CETN3: variants seen among roughly 807,000 people sequenced by gnomAD.
The protein encoded by CETN3 is centrin 3, also known as centrin-3.
In CETN3, 17 loss-of-function variants were observed where a neutral mutation model predicts 20.1. That is an observed-to-expected ratio of 0.85 (90% CI 0.58 to 1.27). The LOEUF (loss-of-function observed/expected upper bound fraction) is 1.27. CETN3 is among the 50% of genes most tolerant of loss of function. The pLI, the probability that CETN3 is intolerant of heterozygous loss-of-function variation, is 0.00. For synonymous variants in CETN3, 52 were observed against 59.7 expected, an observed-to-expected ratio of 0.87 and a Z score of 0.59; for missense variants, 169 against 191.2, an observed-to-expected ratio of 0.88 and a Z score of 0.69.
At chr5:90,406,380 G>C (rs1452826581) in intron 2 of CETN3, among the ~76,000 whole-genome samples, 4 of 151,802 alleles carry the variant, frequency 2.6e-5, no homozygotes, top group Non-Finnish European at 5.9e-5. Context: ...GGGTATTTGG[G>C]AAGGATGACT....
At chr5:90,408,800 C>CAAAA (rs74585512) in intron 1 of CETN3, among the ~76,000 whole-genome samples, 56 of 96,252 alleles carry the variant, frequency 5.8e-4, no homozygotes, top group African/African-American at 2.1e-3. Flanking sequence ...CTGAAAGCTC[C>CAAAA]AAAAAAAAAA....
intron 2 of CETN3, among the ~76,000 whole-genome samples, chr5:90,406,729 C>T (rs1039125990): frequency 6.7e-6 from 1 of 148,554 alleles, no homozygotes; most frequent in Non-Finnish European, 1.5e-5. Context: ...ACAAGGTGAA[C>T]TAGTAAGAAA....
chr5:90,393,217 T>TA lies in CETN3; in HGVS notation c.*846dup, dbSNP rs1749058959. 6.6e-6 allele frequency: 1 copy of TA among 152,190 alleles called. No homozygotes were observed. The highest frequency in any genetic ancestry group is 1.5e-5 in the Non-Finnish European group (1 of 68,032). The allele number at this position is 152,190 out of a possible 1,614,324, so 9.4% of individuals were successfully genotyped here. ...ACTGTTCCTTCATATAGGTAAAACA[T>TA]AGACTTAAATTATTTCTGTGGCTTA... On this transcript the variant is annotated 3_prime_UTR_variant, in exon 5 of 5. Coordinates refer to ENST00000283122, the MANE Select transcript of CETN3 (RefSeq NM_004365.4).
In CETN3 at chr5:90,393,186, T is replaced by A. The variant is rs1202792902; in HGVS notation, c.*878A>T. On this transcript the variant is annotated 3_prime_UTR_variant, in exon 5 of 5. Transcript: ENST00000283122. ...TGTGTCTCTACTATTTCCTGGTGAA[T>A]CACAGACTGTTCCTTCATATAGGTA... is the stretch of plus-strand genomic sequence containing the variant. 4 of 152,200 alleles carry A rather than the reference T, an allele frequency of 2.6e-5. No individual in the cohort carries two copies. Among genetic ancestry groups the A allele is most frequent in the African/African-American group, 9.6e-5 (4 of 41,456 alleles). 9.4% of individuals were successfully genotyped at this position (152,200 alleles called of 1,614,324 possible).
chr5:90,397,555 G>A (rs1397067700), intron 4 of CETN3, among the ~76,000 whole-genome samples: 1 of 152,094 alleles, frequency 6.6e-6, no homozygotes, highest in African/African-American at 2.4e-5. Flanking sequence ...TGGCTTTGAA[G>A]GGGAAAAGCA....
chr5:90,399,241 C>T lies in CETN3; in HGVS notation c.460+117G>A, dbSNP rs1749215539. 9 of 780,362 alleles carry T rather than the reference C, an allele frequency of 1.2e-5. No homozygotes were observed. In the Admixed American group the frequency reaches 2.0e-4, roughly 17 times the overall value. The allele number at this position is 780,362 out of a possible 1,614,324, so 48.3% of individuals were successfully genotyped here. A position where few individuals can be genotyped will look rare whatever the true frequency, so the allele number is the denominator to read the frequency against. On this transcript the variant is annotated intron_variant, in intron 4 of 4. Transcript: ENST00000283122. Reference sequence around the variant, plus strand: ...ATGTGAATTATTTAGACAGAAGGTCCATTACAAGAAGCAGTTAAGTTTACA... The same window carrying T: ...ATGTGAATTATTTAGACAGAAGGTCTATTACAAGAAGCAGTTAAGTTTACA...
intron 3 of CETN3, among the ~76,000 whole-genome samples, chr5:90,403,511 T>C (rs555670730): frequency 6.6e-6 from 1 of 152,136 alleles, no homozygotes; most frequent in East Asian, 1.9e-4. Flanking sequence ...GTTAATAACA[T>C]AGAACAGATG....
In CETN3 at chr5:90,397,650, CAT is replaced by C. The variant is rs939113878; in HGVS notation, c.460+1706_460+1707del. On this transcript the variant is annotated intron_variant, in intron 4 of 4. Coordinates refer to ENST00000283122, the MANE Select transcript of CETN3 (RefSeq NM_004365.4). Reference sequence around the variant, plus strand: ...CATGTAATTTTTAAAACTCCATAAACATAGAAGTCTAGTTAATATTTTACTTC... The same window carrying C: ...CATGTAATTTTTAAAACTCCATAAACAGAAGTCTAGTTAATATTTTACTTC... 4.6e-5 allele frequency among the ~76,000 whole-genome samples: 7 copies of C among 152,202 alleles called. No homozygotes were observed. In the South Asian group the frequency reaches 8.3e-4, roughly 18 times the overall value.
chr5:90,408,886 T>C lies in CETN3; in HGVS notation c.17+759A>G, dbSNP rs138775170. ...GATCTTCCTTTCATGAGACCTGACT[T>C]GACACAAACTTGGGTATTCCTGGGG... On this transcript the variant is annotated intron_variant, in intron 1 of 4. Transcript: ENST00000283122. Among the ~76,000 whole-genome samples, 372 of 152,068 alleles carry C rather than the reference T, an allele frequency of 2.4e-3. 3 individuals carry two copies. Among genetic ancestry groups the C allele is most frequent in the African/African-American group, 8.3e-3 (345 of 41,438 alleles).
At chr5:90,396,341 T>C in intron 4 of CETN3, 2 of 984,764 alleles carry the variant, frequency 2.0e-6, no homozygotes, top group Non-Finnish European at 2.4e-6. Context: ...TCCAAACTAC[T>C]TTCAAGAATC....
At position 90,399,438 on chromosome 5, in the gene CETN3, G is replaced by A. The variant is rs1401365085; in HGVS notation, c.380C>T (p.Ala127Val). The change falls in exon 4 of 5, where the codon GCT becomes GTT. Residue 127 changes from alanine to valine, a missense_variant. By Grantham distance (64) the Ala-to-Val change is moderately conservative (BLOSUM62 0). Coordinates refer to ENST00000283122, the MANE Select transcript of CETN3 (RefSeq NM_004365.4). ...KISLRNLRRV[A>V]RELGENMSDE... ...ACTCATGTTTTCACCCAATTCTCTA[G>A]CAACACGTCGCAAATTCCTCAAGCT... is the stretch of plus-strand genomic sequence containing the variant. The A allele has an allele frequency of 6.2e-7, 1 of 1,613,828 alleles. No individual in the cohort carries two copies. The highest frequency in any genetic ancestry group is 1.3e-5 in the African/African-American group (1 of 74,898).
chr5:90,394,000 C>T lies in CETN3; in HGVS notation c.*64G>A. 1 of 1,165,498 alleles carries T rather than the reference C, an allele frequency of 8.6e-7. No homozygotes were observed. Among genetic ancestry groups the T allele is most frequent in the Admixed American group, 2.1e-5 (1 of 48,294 alleles). The allele number at this position is 1,165,498 out of a possible 1,614,324, so 72.2% of individuals were successfully genotyped here. On this transcript the variant is annotated 3_prime_UTR_variant, in exon 5 of 5. Transcript: ENST00000283122. ...TAAGTTGGTTTTTTTCACATGGCTCCAGGCACAAAAATAGAATATAAGATG... is the reference window on the plus strand; with the variant it reads ...TAAGTTGGTTTTTTTCACATGGCTCTAGGCACAAAAATAGAATATAAGATG...
chr5:90,399,337 T>C (rs1749218259), intron 4 of CETN3, 21 bp downstream of exon 4: 1 of 1,611,732 alleles, frequency 6.2e-7, no homozygotes, highest in Non-Finnish European at 8.5e-7. Flanking sequence ...ACCTGGAAAA[T>C]ACGTTTCACT....
At chr5:90,408,126 G>A (rs1482006161) in intron 1 of CETN3, among the ~76,000 whole-genome samples, 1 of 152,004 alleles carries the variant, frequency 6.6e-6, no homozygotes. Context: ...AACAAGAACT[G>A]TGAATAAGCA....
chr5:90,392,453 A>AT lies in CETN3; in HGVS notation c.*1610dup, dbSNP rs1321413863. ...TAGTTAACCTGCTGATATAGTTTGT[A>AT]TATCTGTCCCCACTCAAATATCATG... On this transcript the variant is annotated 3_prime_UTR_variant, in exon 5 of 5. Transcript: ENST00000283122. 1 of 152,184 alleles carries AT rather than the reference A, an allele frequency of 6.6e-6. No individual in the cohort carries two copies. The highest frequency in any genetic ancestry group is 2.4e-5 in the African/African-American group (1 of 41,444). 9.4% of individuals were successfully genotyped at this position (152,184 alleles called of 1,614,324 possible). A position where few individuals can be genotyped will look rare whatever the true frequency, so the allele number is the denominator to read the frequency against.
At chr5:90,408,797 C>T (rs1382227107) in intron 1 of CETN3, among the ~76,000 whole-genome samples, 2 of 112,994 alleles carry the variant, frequency 1.8e-5, no homozygotes, top group Non-Finnish European at 3.5e-5. Flanking sequence ...TCTCTGAAAG[C>T]TCCAAAAAAA....
intron 3 of CETN3, among the ~76,000 whole-genome samples, chr5:90,403,186 G>A (rs1749344649): frequency 6.6e-6 from 1 of 152,160 alleles, no homozygotes; most frequent in Non-Finnish European, 1.5e-5. Flanking sequence ...AGATATATCT[G>A]TGGAACAGTG....
intron 3 of CETN3, 139 bp from the exon 4 acceptor site, chr5:90,399,688 T>C (rs917564757): frequency 1.5e-6 from 1 of 658,878 alleles, no homozygotes; most frequent in East Asian, 2.7e-5. Context: ...TCAAATGAGA[T>C]CCCCAAACCC....
intron 4 of CETN3, among the ~76,000 whole-genome samples, chr5:90,397,889 T>C (rs1261948385): frequency 6.6e-6 from 1 of 152,162 alleles, no homozygotes; most frequent in African/African-American, 2.4e-5. Context: ...CTTTACAAGT[T>C]ATTATGGAAA....
Sources: allele counts gnomAD v4.1 joint callset (sites outside exome capture counted in the v4.1 genomes callset), GRCh38; gene constraint gnomAD v4.1.1; transcripts MANE v1.5; gene names NCBI Gene and HGNC (gene_info 2026-07-23, HGNC 2026-07-21).